The following ARHGAP10 variants were observed in gnomAD, a reference collection of about 807,000 sequenced individuals.
The protein encoded by ARHGAP10 is rho GTPase-activating protein 10.
ARHGAP10 carries 87 observed loss-of-function variants against 108.6 expected under a neutral mutation model. The observed-to-expected ratio is 0.80, with a 90% CI of 0.67 to 0.96. The LOEUF is 0.96. ARHGAP10 is among the 40% of genes least tolerant of loss of function. ARHGAP10 has a pLI of 0.00. For synonymous variants in ARHGAP10, 347 were observed against 341.1 expected, an observed-to-expected ratio of 1.02 and a Z score of -0.19; for missense variants, 939 against 954.5, an observed-to-expected ratio of 0.98 and a Z score of 0.21.
At chr4:147,912,972 TA>T in intron 12 of ARHGAP10, 101 bp from the exon 13 acceptor site, 1 of 1,186,122 alleles carries the variant, frequency 8.4e-7, no homozygotes, top group Non-Finnish European at 1.2e-6. Context: ...AATAGTAATC[TA>T]AAAATTAGTT....
At chr4:148,030,240 C>T (rs937808806) in intron 19 of ARHGAP10, among the ~76,000 whole-genome samples, 1 of 152,190 alleles carries the variant, frequency 6.6e-6, no homozygotes, top group African/African-American at 2.4e-5. Flanking sequence ...GCTTCTCTCC[C>T]TGTGGAGTGG....
intron 1 of ARHGAP10, among the ~76,000 whole-genome samples, chr4:147,819,341 A>C (rs1471342095): frequency 1.3e-5 from 2 of 152,134 alleles, no homozygotes; most frequent in Non-Finnish European, 2.9e-5. Context: ...ATAAACAAAC[A>C]TGTTCGTATA....
intron 5 of ARHGAP10, 114 bp downstream of exon 5, chr4:147,857,768 A>G (rs1016813096): frequency 2.2e-6 from 2 of 913,694 alleles, no homozygotes; most frequent in Admixed American, 4.6e-5. Flanking sequence ...AGAGATAACA[A>G]AAAGTGAACA....
At chr4:147,911,997 G>A (rs201598931) in intron 12 of ARHGAP10, among the ~76,000 whole-genome samples, 3,603 of 13,112 alleles carry the variant, frequency 0.27, 127 homozygotes, top group Middle Eastern at 0.4. Context: ...ACATTCACGT[G>A]TGTGTGTGTG....
rs1458642435 is a variant in ARHGAP10 at position 148,048,581 on chromosome 4, C to T, written c.2027+1530C>T. 3.9e-5 allele frequency among the ~76,000 whole-genome samples: 6 copies of T among 152,270 alleles called. No homozygotes were observed. In the South Asian group the frequency reaches 6.2e-4, roughly 16 times the overall value. ...AACAATAACAGTAGTTACCTAGGCA[C>T]GCAGAATCTATAATCCTGGTTACAC... On this transcript the variant is annotated intron_variant, in intron 20 of 22. Coordinates refer to ENST00000336498, the MANE Select transcript of ARHGAP10 (RefSeq NM_024605.4).
intron 1 of ARHGAP10, among the ~76,000 whole-genome samples, chr4:147,738,555 C>G (rs749124939): frequency 4.0e-5 from 6 of 150,802 alleles, no homozygotes; most frequent in East Asian, 1.9e-4. Context: ...TCTGTCTCCC[C>G]CCCCCAAAAA....
chr4:147,865,848 A>G (rs1431077508), intron 6 of ARHGAP10: 3 of 152,236 alleles, frequency 2.0e-5, no homozygotes, highest in Non-Finnish European at 2.9e-5. Context: ...TTAATGTGAA[A>G]TAATAATAAT....
chr4:147,948,685 G>T (rs1162177812), intron 15 of ARHGAP10, among the ~76,000 whole-genome samples: 1 of 151,976 alleles, frequency 6.6e-6, no homozygotes, highest in Non-Finnish European at 1.5e-5. Context: ...GGCCGGGCGC[G>T]GTGGCTCACG....
At chr4:148,062,639 A>G (rs775990655) in intron 20 of ARHGAP10, among the ~76,000 whole-genome samples, 21 of 152,310 alleles carry the variant, frequency 1.4e-4, no homozygotes, top group Non-Finnish European at 1.6e-4. Flanking sequence ...TTTGCTGTTC[A>G]TTGGTTTCGA....
intron 19 of ARHGAP10, among the ~76,000 whole-genome samples, chr4:148,028,203 G>C (rs1488821720): frequency 6.6e-6 from 1 of 152,128 alleles, no homozygotes; most frequent in Non-Finnish European, 1.5e-5. Flanking sequence ...GGGGAGTAGC[G>C]TGACTGAGGC....
chr4:147,964,099 TC>T (rs1350066318), intron 16 of ARHGAP10, among the ~76,000 whole-genome samples: 36 of 152,172 alleles, frequency 2.4e-4, no homozygotes, highest in Admixed American at 2.4e-3. Context: ...GCTGGCCCAT[TC>T]CTGGAGATAT....
At chr4:147,766,757 G>A (rs13147412) in intron 1 of ARHGAP10, among the ~76,000 whole-genome samples, 141,560 of 141,566 alleles carry the variant, frequency 1, 70,777 homozygotes, top group Non-Finnish European at 1. Flanking sequence ...CTATATTCAT[G>A]CATATATATT....
chr4:148,042,805 G>A (rs1315995377), intron 19 of ARHGAP10, among the ~76,000 whole-genome samples: 1 of 152,178 alleles, frequency 6.6e-6, no homozygotes, highest in Non-Finnish European at 1.5e-5. Flanking sequence ...TGCTAGTTGG[G>A]TGAATAAAGT....
Position 147,946,659 on chromosome 4 carries a change from A to C in ARHGAP10, c.1346A>C (p.Asp449Ala). 1 of 1,612,852 alleles carries C rather than the reference A, an allele frequency of 6.2e-7. No homozygotes were observed. The highest frequency in any genetic ancestry group is 8.5e-7 in the Non-Finnish European group (1 of 1,179,618). ...CNEVDLENSA[D>A]WEVKTITSAL... Reference sequence around the variant, plus strand: ...GAGGTGGACCTGGAGAATTCTGCAGATTGGGAAGTGAAGACAATAACAAGT... The same window carrying C: ...GAGGTGGACCTGGAGAATTCTGCAGCTTGGGAAGTGAAGACAATAACAAGT... Residue 449 changes from aspartate (D) to alanine (A), a missense_variant, in exon 15 of 23, where the codon GAT becomes GCT. Transcript: ENST00000336498.
At chr4:147,865,654 A>T (rs1264898987) in intron 6 of ARHGAP10, 2 of 152,188 alleles carry the variant, frequency 1.3e-5, no homozygotes, top group Non-Finnish European at 2.9e-5. Context: ...TCTTTTTCTT[A>T]AACAGCTTTA....
At chr4:147,878,457 T>C (rs1361134254) in intron 8 of ARHGAP10, among the ~76,000 whole-genome samples, 2 of 152,214 alleles carry the variant, frequency 1.3e-5, no homozygotes, top group African/African-American at 4.8e-5. Context: ...ACTAGGATGC[T>C]GTTCATGGAC....
At chr4:147,736,047 C>CT (rs1728398299) in intron 1 of ARHGAP10, among the ~76,000 whole-genome samples, 1 of 151,698 alleles carries the variant, frequency 6.6e-6, no homozygotes, top group Non-Finnish European at 1.5e-5. Context: ...TTTTTTAAAA[C>CT]TAACAGTCCT....
chr4:147,859,209 A>G (rs1734216133), intron 5 of ARHGAP10, among the ~76,000 whole-genome samples: 1 of 151,962 alleles, frequency 6.6e-6, no homozygotes, highest in Non-Finnish European at 1.5e-5. Context: ...GTTTATTAAA[A>G]GTTTTTCCTG....
intron 19 of ARHGAP10, among the ~76,000 whole-genome samples, chr4:148,043,651 A>ATATATATATATATATATATT (rs1383676518): frequency 3.6e-5 from 4 of 110,738 alleles, no homozygotes; most frequent in Non-Finnish European, 5.6e-5. Flanking sequence ...ATATATATAT[A>ATATATATATATATATATATT]TTTTAGGTGT....
Sources: gnomAD v4.1 joint callset for allele counts (sites outside exome capture counted in the v4.1 genomes callset) on GRCh38, gnomAD v4.1.1 for gene constraint, MANE v1.5 for transcripts, NCBI Gene and HGNC (gene_info 2026-07-23, HGNC 2026-07-21) for gene names.